BPIFB3: variants seen among roughly 807,000 people sequenced by gnomAD.
BPIFB3 encodes the protein BPI fold-containing family B member 3.
Under a neutral mutation model 53.1 loss-of-function variants are expected in BPIFB3, and 49 were observed. The observed-to-expected ratio is 0.92, with a 90% confidence interval of 0.73 to 1.17. BPIFB3 has a LOEUF of 1.17. BPIFB3 is among the 50% of genes most tolerant of loss of function. BPIFB3 has a pLI of 0.00. For synonymous variants in BPIFB3, 271 were observed against 269.6 expected (o/e 1.01, Z -0.05); for missense variants, 628 against 592.5 (o/e 1.06, Z -0.62).
At chr20:33,059,795 GC>G in intron 3 of BPIFB3, 95 bp from the exon 5 acceptor site, 1 of 1,492,274 alleles carries the variant, frequency 6.7e-7, no homozygotes, top group Non-Finnish European at 9.0e-7. Flanking sequence ...TGAGAAGGGG[GC>G]ACAGAGCCTA....
At chr20:33,066,825 T>A (rs1980688914) in exon 9 of BPIFB3, 1 of 1,614,160 alleles carries the variant, frequency 6.2e-7, no homozygotes, top group East Asian at 2.2e-5. Context: ...GGGGTCCAGG[T>A]TCCCAGCGAT....
exon 2 of BPIFB3, chr20:33,056,647 G>A: frequency 1.9e-6 from 3 of 1,612,498 alleles, no homozygotes; most frequent in Non-Finnish European, 2.5e-6. Context: ...CTTGGAGGAG[G>A]CGGCTTGCTG....
At position 33,072,789 on chromosome 20, in the gene BPIFB3, T is replaced by C. The variant is rs766782019; in HGVS notation, c.1397T>C (p.Val466Ala). 1.9e-5 allele frequency: 30 copies of C among 1,612,322 alleles called. No individual in the cohort carries two copies. Among genetic ancestry groups the C allele is most frequent in the Non-Finnish European group, 2.5e-5 (30 of 1,178,436 alleles). Reference sequence around the variant, plus strand: ...TTTTCCAATTCAGTTCTGGAGATCGTAGAGGTGAGCCTTCTCTGCAGATAC... The same window carrying C: ...TTTTCCAATTCAGTTCTGGAGATCGCAGAGGTGAGCCTTCTCTGCAGATAC... The change falls in exon 14 of 15, where the codon GTA becomes GCA. Residue 466 changes from valine (V) to alanine (A), a missense_variant. Physicochemically the swap from Val to Ala is moderately conservative, Grantham distance 64 (BLOSUM62 0). Transcript: ENST00000375494.
Position 33,066,815 on chromosome 20 carries a change from G to A in BPIFB3, c.925-9G>A, listed in dbSNP as rs369627899. 9.9e-6 allele frequency: 16 copies of A among 1,614,050 alleles called. No individual in the cohort carries two copies. The Admixed American group carries it at 2.2e-4, about 22-fold the overall frequency. On this transcript the variant is annotated splice_polypyrimidine_tract_variant and intron_variant, in intron 8 of 14. Transcript: ENST00000375494. ...TGCTCACCAACCCTCTCTCCCATTG[G>A]GGGTCCAGGTTCCCAGCGATGTCCC...
chr20:33,055,750 G>GA (rs1424797899), intron 1 of BPIFB3, among the ~76,000 whole-genome samples: 1 of 152,196 alleles, frequency 6.6e-6, no homozygotes, highest in Non-Finnish European at 1.5e-5. Context: ...CCTCTTACGG[G>GA]AGGTGGACTG....
exon 7 of BPIFB3, chr20:33,064,510 C>G (rs776779675): frequency 1.2e-6 from 2 of 1,614,094 alleles, no homozygotes; most frequent in Non-Finnish European, 1.7e-6. Context: ...GGCCACATTG[C>G]CTCTCATCTC....
chr20:33,064,050 C>A (rs571940958), intron 6 of BPIFB3, among the ~76,000 whole-genome samples: 1 of 152,176 alleles, frequency 6.6e-6, no homozygotes, highest in African/African-American at 2.4e-5. Context: ...CACAGCAGAC[C>A]CCAGTCTCTC....
chr20:33,060,877 C>A (rs942413875), intron 4 of BPIFB3, among the ~76,000 whole-genome samples: 1 of 152,176 alleles, frequency 6.6e-6, no homozygotes, highest in African/African-American at 2.4e-5. Context: ...TCAATCATCA[C>A]TTTCATGGGA....
intron 2 of BPIFB3, 59 bp downstream of exon 3, chr20:33,056,757 G>A: frequency 3.3e-6 from 5 of 1,502,108 alleles, no homozygotes; most frequent in Non-Finnish European, 4.4e-6. Context: ...CAGGAATTGA[G>A]GAGAGATTGT....
At chr20:33,060,092 G>A in intron 4 of BPIFB3, 61 bp downstream of exon 5, 1 of 1,577,408 alleles carries the variant, frequency 6.3e-7, no homozygotes, top group South Asian at 1.1e-5. Flanking sequence ...GCACCCATCT[G>A]GGCATCTCCC....
chr20:33,061,701 C>T (rs1025504607), intron 4 of BPIFB3, 67 bp from the exon 6 acceptor site: 166 of 1,508,322 alleles, frequency 1.1e-4, no homozygotes, highest in Non-Finnish European at 1.5e-4. Flanking sequence ...AGTGTCCGCC[C>T]GACCCTGTCA....
At chr20:33,063,727 T>C (rs776224386) in intron 6 of BPIFB3, 52 bp downstream of exon 7, 1 of 1,584,152 alleles carries the variant, frequency 6.3e-7, no homozygotes, top group Non-Finnish European at 8.6e-7. Context: ...CGTCTCTGTA[T>C]GACCCCAATG....
intron 2 of BPIFB3, 68 bp from the exon 4 acceptor site, chr20:33,059,310 C>A: frequency 1.7e-6 from 2 of 1,202,148 alleles, no homozygotes; most frequent in South Asian, 1.3e-5. Context: ...CCACCAAGAG[C>A]CACTCTGGGC....
At chr20:33,066,742 T>C in intron 8 of BPIFB3, 82 bp from the exon 10 acceptor site, 5 of 1,362,340 alleles carry the variant, frequency 3.7e-6, no homozygotes, top group Non-Finnish European at 5.2e-6. Flanking sequence ...GGAAGAGTGG[T>C]GAACGAAACT....
At position 33,064,865 on chromosome 20, in the gene BPIFB3, G is replaced by T; in HGVS notation, c.924+20G>T. ...GAGCTGGTGAGTGTGGTGCCCGGGG[G>T]ATGGGGATGGGGGCTCCTTGCCCTG... is the stretch of plus-strand genomic sequence containing the variant. On this transcript the variant is annotated intron_variant, in intron 8 of 14. Coordinates refer to ENST00000375494, the Ensembl canonical transcript of BPIFB3. 6 of 1,604,710 alleles carry T rather than the reference G, an allele frequency of 3.7e-6. No individual in the cohort carries two copies. The highest frequency in any genetic ancestry group is 5.1e-6 in the Non-Finnish European group (6 of 1,177,586).
chr20:33,067,190 A>T (rs1430228948), intron 9 of BPIFB3, among the ~76,000 whole-genome samples: 2 of 152,224 alleles, frequency 1.3e-5, no homozygotes, highest in Non-Finnish European at 2.9e-5. Context: ...GGCTTACTTC[A>T]TCCTGACCTT....
At position 33,060,127 on chromosome 20, in the gene BPIFB3, C is replaced by T. The variant is rs926517053; in HGVS notation, c.527+96C>T. On this transcript the variant is annotated intron_variant, in intron 4 of 14. Transcript: ENST00000375494. ...CAGGTCTCCCTGGAGCTGCCAGCTG[C>T]GGGGGCCTGAACTCGTCCTACCCCT... The T allele has an allele frequency of 3.4e-5, 52 of 1,513,120 alleles. 1 individual carries two copies. In the South Asian group the frequency reaches 4.2e-4, roughly 12 times the overall value. The allele number at this position is 1,513,120 out of a possible 1,614,324, so 93.7% of individuals were successfully genotyped here.
At chr20:33,069,985 G>T in intron 11 of BPIFB3, 30 bp downstream of exon 12, 1 of 1,609,968 alleles carries the variant, frequency 6.2e-7, no homozygotes, top group South Asian at 1.1e-5. Context: ...ACAGGATCTT[G>T]TTCTTGTCTT....
chr20:33,067,597 G>C (rs1474474847), intron 9 of BPIFB3, among the ~76,000 whole-genome samples: 9 of 152,216 alleles, frequency 5.9e-5, no homozygotes, highest in African/African-American at 2.2e-4. Flanking sequence ...AGAGTCCCTT[G>C]GCTAAAGGGC....
Sources: allele counts gnomAD v4.1 joint callset (sites outside exome capture counted in the v4.1 genomes callset), GRCh38; gene constraint gnomAD v4.1.1; transcripts MANE v1.5; gene names NCBI Gene and HGNC (gene_info 2026-07-23, HGNC 2026-07-21).